Variants in USP25 observed in about 807,000 individuals in gnomAD.
USP25 encodes ubiquitin carboxyl-terminal hydrolase 25.
Under a neutral mutation model 158.5 loss-of-function variants are expected in USP25, and 85 were observed. The ratio of observed to expected loss-of-function variants is 0.54; its 90% confidence interval spans 0.45 to 0.64. The LOEUF is 0.64. Among genes scored for constraint, USP25 ranks in the 30% least tolerant of loss-of-function variants. The pLI is 0.00. For missense variants in USP25, 1,242 were observed against 1,327.3 expected (o/e 0.94, Z 1.00); for synonymous variants, 464 against 460.4 (o/e 1.01, Z -0.10).
chr21:15,856,218 G>T (rs376411593), intron 20 of USP25, among the ~76,000 whole-genome samples: 5 of 152,110 alleles, frequency 3.3e-5, no homozygotes, highest in African/African-American at 9.7e-5. Flanking sequence ...GTGTAATGTG[G>T]AAAAAGAACA....
At chr21:15,844,572 A>C (rs985696321) in intron 18 of USP25, among the ~76,000 whole-genome samples, 15 of 152,136 alleles carry the variant, frequency 9.9e-5, no homozygotes, top group Non-Finnish European at 1.9e-4. Flanking sequence ...AATATAAGAA[A>C]AATTTCCTGG....
chr21:15,844,240 G>GT (rs1362561008), intron 18 of USP25, among the ~76,000 whole-genome samples: 3 of 152,176 alleles, frequency 2.0e-5, no homozygotes, highest in East Asian at 1.9e-4. Context: ...CTTCATAGCG[G>GT]TTTTTTTCAT....
At chr21:15,823,955 A>G (rs2037364284) in intron 10 of USP25, 84 bp from the exon 11 acceptor site, 1 of 1,349,646 alleles carries the variant, frequency 7.4e-7, no homozygotes, top group Non-Finnish European at 1.0e-6. Context: ...TAACAATGTC[A>G]GTGCCCACAT....
chr21:15,868,048 A>G (rs1339660912), intron 22 of USP25, among the ~76,000 whole-genome samples: 1 of 152,204 alleles, frequency 6.6e-6, no homozygotes, highest in Non-Finnish European at 1.5e-5. Context: ...TCCACCTCCC[A>G]TCTCTGACAA....
chr21:15,780,768 T>G (rs1210467209), intron 4 of USP25, among the ~76,000 whole-genome samples: 1 of 152,200 alleles, frequency 6.6e-6, no homozygotes, highest in Admixed American at 6.5e-5. Flanking sequence ...TCCTACATTT[T>G]TTATCCTTAT....
At chr21:15,739,154 A>G (rs527804768) in intron 1 of USP25, among the ~76,000 whole-genome samples, 2 of 150,954 alleles carry the variant, frequency 1.3e-5, no homozygotes, top group South Asian at 2.1e-4. Flanking sequence ...AGTTTTATGT[A>G]TAATTTCAGT....
intron 20 of USP25, 121 bp downstream of exon 20, chr21:15,849,993 T>C: frequency 1.5e-6 from 1 of 678,646 alleles, no homozygotes. Context: ...ATCTTAGTTA[T>C]GGCCACCGGA....
chr21:15,859,320 G>A (rs1466775850), intron 20 of USP25, among the ~76,000 whole-genome samples: 6 of 151,752 alleles, frequency 4.0e-5, no homozygotes, highest in African/African-American at 1.5e-4. Context: ...AGCCTCCTGA[G>A]TAGCTGGGAC....
At chr21:15,788,010 G>A (rs946089469) in intron 4 of USP25, among the ~76,000 whole-genome samples, 12 of 147,378 alleles carry the variant, frequency 8.1e-5, no homozygotes, top group Non-Finnish European at 1.0e-4. Flanking sequence ...AGGAAAAGAC[G>A]CAGCAAAACA....
At chr21:15,759,309 TAAGAC>T (rs1375013203) in intron 1 of USP25, among the ~76,000 whole-genome samples, 3 of 152,216 alleles carry the variant, frequency 2.0e-5, no homozygotes, top group Non-Finnish European at 2.9e-5. Context: ...AAAAGTATCT[TAAGAC>T]AAGTCTCAAT....
At chr21:15,865,130 A>G (rs548388028) in intron 21 of USP25, among the ~76,000 whole-genome samples, 1 of 152,258 alleles carries the variant, frequency 6.6e-6, no homozygotes, top group Non-Finnish European at 1.5e-5. Flanking sequence ...TCTAGATTAT[A>G]TTAGTAGTTT....
chr21:15,750,520 G>T (rs2032925255), intron 1 of USP25, among the ~76,000 whole-genome samples: 1 of 151,888 alleles, frequency 6.6e-6, no homozygotes, highest in Non-Finnish European at 1.5e-5. Flanking sequence ...ATGAACAATT[G>T]TGCCCGACCC....
At position 15,824,116 on chromosome 21, in the gene USP25, A is replaced by G; in HGVS notation, c.1158A>G (p.Pro386=). The G allele has an allele frequency of 5.6e-6, 9 of 1,613,698 alleles. No individual in the cohort carries two copies. The highest frequency in any genetic ancestry group is 7.6e-6 in the Non-Finnish European group (9 of 1,179,850). ...RFEFNQALGR[P]EKIHNKLEFP... ...AATTTAATCAGGCATTGGGAAGACC[A>G]GAAAAAATTCACAACAAATTAGAAT... is the stretch of plus-strand genomic sequence containing the variant. The change falls in exon 11 of 26, where the codon CCA becomes CCG. Residue 386 remains proline (P), a synonymous_variant. Coordinates refer to ENST00000400183, the MANE Select transcript of USP25 (RefSeq NM_001283041.3).
chr21:15,841,177 G>C (rs1287966645), intron 17 of USP25, among the ~76,000 whole-genome samples: 1 of 152,120 alleles, frequency 6.6e-6, no homozygotes, highest in African/African-American at 2.4e-5. Flanking sequence ...AGTTAACTCT[G>C]TCAAAAACTT....
intron 2 of USP25, 119 bp from the exon 3 acceptor site, chr21:15,765,878 A>T (rs1275998845): frequency 3.3e-6 from 3 of 911,470 alleles, no homozygotes; most frequent in East Asian, 5.5e-5. Flanking sequence ...AATCACATAT[A>T]GATTAATTGC....
At chr21:15,839,876 G>A (rs570479573) in intron 17 of USP25, among the ~76,000 whole-genome samples, 2 of 152,080 alleles carry the variant, frequency 1.3e-5, no homozygotes, top group Admixed American at 6.5e-5. Flanking sequence ...TCTTAAAAAT[G>A]TTCTTTTATC....
chr21:15,734,134 A>G (rs949492726), intron 1 of USP25, among the ~76,000 whole-genome samples: 10 of 152,194 alleles, frequency 6.6e-5, no homozygotes, highest in Non-Finnish European at 1.5e-4. Flanking sequence ...ACAGTATAGA[A>G]TGGAAGCAGA....
At position 15,812,241 on chromosome 21, in the gene USP25, A is replaced by G. The variant is rs144061336; in HGVS notation, c.931+1031A>G. Among the ~76,000 whole-genome samples the G allele has an allele frequency of 3.0e-3, 459 of 152,188 alleles. 4 individuals are homozygous for G. The highest frequency in any genetic ancestry group is 0.01 in the African/African-American group (435 of 41,532). Reference sequence around the variant, plus strand: ...CTGATTTTATTTGAAGTAGAACACTATCTGATGCAGCGAGTAGGTCTCATC... The same window carrying G: ...CTGATTTTATTTGAAGTAGAACACTGTCTGATGCAGCGAGTAGGTCTCATC... On this transcript the variant is annotated intron_variant, in intron 9 of 25. Coordinates refer to ENST00000400183, the MANE Select transcript of USP25 (RefSeq NM_001283041.3).
intron 17 of USP25, among the ~76,000 whole-genome samples, chr21:15,838,838 T>A (rs1438892034): frequency 2.0e-5 from 3 of 152,272 alleles, no homozygotes; most frequent in Admixed American, 2.0e-4. Context: ...AAAGTTGACC[T>A]TCTTAAAAGA....
Sources: gnomAD v4.1 joint callset for allele counts (sites outside exome capture counted in the v4.1 genomes callset) on GRCh38, gnomAD v4.1.1 for gene constraint, MANE v1.5 for transcripts, NCBI Gene and HGNC (gene_info 2026-07-23, HGNC 2026-07-21) for gene names.